TUSC3: variants seen among roughly 807,000 people sequenced by gnomAD.
TUSC3 encodes dolichyl-diphosphooligosaccharide--protein glycosyltransferase subunit TUSC3.
In TUSC3, 45 loss-of-function variants were observed where a neutral mutation model predicts 44.8. The ratio of observed to expected loss-of-function variants is 1.00; its 90% CI spans 0.79 to 1.29. The LOEUF is 1.29. Among genes scored for constraint, TUSC3 ranks in the 50% most tolerant of loss-of-function variants. The pLI is 0.00. For synonymous variants in TUSC3, 212 were observed against 152.9 expected (o/e 1.39, Z -2.85); for missense variants, 519 against 437.9 (o/e 1.19, Z -1.65).
At chr8:15,804,280 T>C in the TUSC3 span, among the ~76,000 whole-genome samples, 2 of 152,192 alleles carry the variant, frequency 1.3e-5, no homozygotes, top group African/African-American at 4.8e-5. Flanking sequence ...TTTTAAAAAG[T>C]TTACACTCTT....
intron 2 of TUSC3, among the ~76,000 whole-genome samples, chr8:15,507,052 C>T (rs1025855979): frequency 1.3e-5 from 2 of 152,100 alleles, no homozygotes; most frequent in Non-Finnish European, 2.9e-5. Context: ...TTGAAGGCTC[C>T]CATGTATACA....
At chr8:15,713,888 T>C (rs1809959323) in intron 6 of TUSC3, among the ~76,000 whole-genome samples, 1 of 152,140 alleles carries the variant, frequency 6.6e-6, no homozygotes, top group Admixed American at 6.6e-5. Flanking sequence ...CAGTTGACAT[T>C]TGTTAAACAT....
the TUSC3 span, among the ~76,000 whole-genome samples, chr8:15,807,993 T>A: frequency 2.2e-5 from 1 of 45,108 alleles, no homozygotes; most frequent in Non-Finnish European, 6.1e-5. Flanking sequence ...CATACCTGTA[T>A]ATGTACCTCT....
At chr8:15,777,380 T>A in the TUSC3 span, among the ~76,000 whole-genome samples, 1 of 152,174 alleles carries the variant, frequency 6.6e-6, no homozygotes, top group African/African-American at 2.4e-5. Flanking sequence ...GACTGCAGTT[T>A]GTGTTACCTA....
At chr8:15,779,088 C>G in the TUSC3 span, among the ~76,000 whole-genome samples, 1 of 141,368 alleles carries the variant, frequency 7.1e-6, no homozygotes, top group African/African-American at 2.7e-5. Context: ...AGGCCACCCT[C>G]GAATGTTTTC....
chr8:15,697,285 C>G (rs1809209671), intron 6 of TUSC3, among the ~76,000 whole-genome samples: 1 of 152,056 alleles, frequency 6.6e-6, no homozygotes, highest in Non-Finnish European at 1.5e-5. Context: ...TCATTTAGTT[C>G]TGCTCTGATC....
rs544699631 is a variant in TUSC3 at position 15,676,855 on chromosome 8, A to G, written c.798+3019A>G. The stretch of plus-strand genomic sequence containing the variant: ...CTAAGAAAACTAATCCATCTAGCAT[A>G]TAACCCCAAAGAAGGATTTTCTTTT... On this transcript the variant is annotated intron_variant, in intron 6 of 10. Coordinates refer to ENST00000503731, the MANE Select transcript of TUSC3 (RefSeq NM_006765.4). 5.3e-5 allele frequency among the ~76,000 whole-genome samples: 8 copies of G among 152,296 alleles called. 1 individual carries two copies. Among genetic ancestry groups the G allele is most frequent in the African/African-American group, 1.9e-4 (8 of 41,580 alleles).
rs555790006 is a variant in TUSC3 at position 15,465,604 on chromosome 8, C to G, written n.92-17782C>G. Among the ~76,000 whole-genome samples, 22 of 152,294 alleles carry G rather than the reference C, an allele frequency of 1.4e-4. 1 individual carries two copies. Among genetic ancestry groups the G allele is most frequent in the African/African-American group, 5.1e-4 (21 of 41,568 alleles). On this transcript the variant is annotated intron_variant and non_coding_transcript_variant, in intron 1 of 5. Transcript: ENST00000503191. ...GTTTTGCTCCATAAAACTGCATTTA[C>G]TATTTCCCATACTGAATTATAAAAG...
intron 1 of TUSC3, among the ~76,000 whole-genome samples, chr8:15,555,175 A>T (rs1802208304): frequency 9.7e-6 from 1 of 103,424 alleles, no homozygotes; most frequent in Admixed American, 1.4e-4. Context: ...GGGGGACGAG[A>T]TCTTACTCTG....
chr8:15,543,732 T>A (rs1181011685), intron 1 of TUSC3, among the ~76,000 whole-genome samples: 1 of 151,736 alleles, frequency 6.6e-6, no homozygotes, highest in Non-Finnish European at 1.5e-5. Flanking sequence ...TAAGATTTTT[T>A]TGAATTGGTT....
chr8:15,768,894 G>A (rs1341508245), downstream of TUSC3, among the ~76,000 whole-genome samples: 2 of 152,084 alleles, frequency 1.3e-5, no homozygotes, highest in Non-Finnish European at 2.9e-5. Context: ...ACCTCTTCAA[G>A]GAGAACTACA....
intron 1 of TUSC3, among the ~76,000 whole-genome samples, chr8:15,596,683 A>T (rs1804083224): frequency 6.6e-6 from 1 of 151,998 alleles, no homozygotes; most frequent in Non-Finnish European, 1.5e-5. Context: ...GATTTTATTT[A>T]ATTGATTTAT....
chr8:15,479,605 C>A (rs10100161), intron 1 of TUSC3, among the ~76,000 whole-genome samples: 1 of 151,924 alleles, frequency 6.6e-6, no homozygotes, highest in African/African-American at 2.4e-5. Flanking sequence ...GATATGTGTT[C>A]TTATTTCTCA....
chr8:15,470,445 G>A (rs1299581000), intron 1 of TUSC3, among the ~76,000 whole-genome samples: 1 of 152,018 alleles, frequency 6.6e-6, no homozygotes, highest in Non-Finnish European at 1.5e-5. Context: ...TAAATTATGG[G>A]CTTTGGTTGA....
intron 6 of TUSC3, among the ~76,000 whole-genome samples, chr8:15,687,725 C>T (rs1158615473): frequency 6.6e-6 from 1 of 152,162 alleles, no homozygotes; most frequent in Non-Finnish European, 1.5e-5. Flanking sequence ...ACCCTTACTT[C>T]ATGACAAAGC....
chr8:15,792,304 C>A, the TUSC3 span, among the ~76,000 whole-genome samples: 4 of 152,132 alleles, frequency 2.6e-5, no homozygotes, highest in Non-Finnish European at 5.9e-5. Context: ...ACAACTAAGT[C>A]AACAAGAAAC....
At chr8:15,791,407 G>T in the TUSC3 span, among the ~76,000 whole-genome samples, 1 of 152,134 alleles carries the variant, frequency 6.6e-6, no homozygotes, top group Non-Finnish European at 1.5e-5. Context: ...CCTATGAGTT[G>T]TTTTCACAGT....
Position 15,546,298 on chromosome 8 carries a change from T to C in TUSC3, c.138+5730T>C, listed in dbSNP as rs756372536. Reference sequence around the variant, plus strand: ...ATTGCTGTTTTATGGAAAACAAATTTTAACATTCTGGCACATCAGTTTTTA... The same window carrying C: ...ATTGCTGTTTTATGGAAAACAAATTCTAACATTCTGGCACATCAGTTTTTA... On this transcript the variant is annotated intron_variant, in intron 1 of 10. Coordinates refer to ENST00000503731, the MANE Select transcript of TUSC3 (RefSeq NM_006765.4). Among the ~76,000 whole-genome samples the C allele has an allele frequency of 3.3e-4, 50 of 151,822 alleles. 4 individuals are homozygous for C. The highest frequency in any genetic ancestry group is 7.1e-4 in the Non-Finnish European group (48 of 67,920).
At chr8:15,778,422 A>G in the TUSC3 span, among the ~76,000 whole-genome samples, 4 of 152,314 alleles carry the variant, frequency 2.6e-5, no homozygotes, top group African/African-American at 7.2e-5. Context: ...AGCATCTGCT[A>G]TGCCTGGGGA....
Sources: allele counts gnomAD v4.1 joint callset (sites outside exome capture counted in the v4.1 genomes callset), GRCh38; gene constraint gnomAD v4.1.1; transcripts MANE v1.5; gene names NCBI Gene and HGNC (gene_info 2026-07-23, HGNC 2026-07-21).